NAPB: variants seen among roughly 807,000 people sequenced by gnomAD.
NAPB encodes NSF attachment protein beta, also known as beta-soluble NSF attachment protein.
A neutral mutation model predicts 44.7 loss-of-function variants in NAPB; 26 were observed. That is an observed-to-expected ratio of 0.58 (90% CI 0.43 to 0.81). The LOEUF (loss-of-function observed/expected upper bound fraction) is 0.81. Ranked by LOEUF, NAPB falls within the 30% of genes least tolerant of loss-of-function variation. The pLI is 0.00. For synonymous variants in NAPB, 120 were observed against 116.8 expected, an observed-to-expected ratio of 1.03 and a Z score of -0.18; for missense variants, 315 against 356.4, an observed-to-expected ratio of 0.88 and a Z score of 0.94.
rs1600551498 is a variant in NAPB at position 23,375,980 on chromosome 20, A to G, written c.*1396T>C. On this transcript the variant is annotated 3_prime_UTR_variant, in exon 11 of 11. Transcript: ENST00000377026. The stretch of plus-strand genomic sequence containing the variant: ...CCTGCAGTCGACCCTTGGCCTGGAA[A>G]CACTACCAATTCCAGTTGAGAGCCA... 1 of 152,186 alleles carries G rather than the reference A, an allele frequency of 6.6e-6. No individual in the cohort carries two copies. Among genetic ancestry groups the G allele is most frequent in the South Asian group, 2.1e-4 (1 of 4,828 alleles). The allele number at this position is 152,186 out of a possible 1,614,324, so 9.4% of individuals were successfully genotyped here. A position where few individuals can be genotyped will look rare whatever the true frequency, so the allele number is the denominator to read the frequency against.
At chr20:23,395,576 T>C (rs1984298258) in intron 3 of NAPB, among the ~76,000 whole-genome samples, 2 of 152,330 alleles carry the variant, frequency 1.3e-5, no homozygotes, top group South Asian at 2.1e-4. Context: ...TGCATATATA[T>C]TAATTTTGGA....
chr20:23,396,697 G>A (rs1044282247), intron 3 of NAPB: 1 of 152,882 alleles, frequency 6.5e-6, no homozygotes, highest in South Asian at 2.1e-4. Context: ...TAGGTATTTA[G>A]GAGTAAGGGA....
At chr20:23,415,760 A>C (rs929262050) in intron 1 of NAPB, among the ~76,000 whole-genome samples, 3 of 151,900 alleles carry the variant, frequency 2.0e-5, no homozygotes, top group Admixed American at 2.0e-4. Context: ...TGAGTCCCGG[A>C]GTTGGAGACA....
At position 23,409,687 on chromosome 20, in the gene NAPB, T is replaced by C. The variant is rs1985516725; in HGVS notation, c.99-6615A>G. Reference sequence around the variant, plus strand: ...GAGACATGTGATTCCCAAAAAATCATGGTGGCTGCTTAGATAAATATATCC... The same window carrying C: ...GAGACATGTGATTCCCAAAAAATCACGGTGGCTGCTTAGATAAATATATCC... On this transcript the variant is annotated intron_variant, in intron 1 of 10. Transcript: ENST00000377026. 2.6e-5 allele frequency among the ~76,000 whole-genome samples: 4 copies of C among 152,344 alleles called. No individual in the cohort carries two copies. The South Asian group carries it at 8.3e-4, about 32-fold the overall frequency.
intron 1 of NAPB, among the ~76,000 whole-genome samples, chr20:23,408,568 T>C (rs959716051): frequency 6.6e-6 from 1 of 152,274 alleles, no homozygotes; most frequent in African/African-American, 2.4e-5. Flanking sequence ...GCTTCACTTC[T>C]GGAAACTCCA....
At position 23,403,050 on chromosome 20, in the gene NAPB, C is replaced by A; in HGVS notation, c.121G>T (p.Ala41Ser). 1 of 1,613,732 alleles carries A rather than the reference C, an allele frequency of 6.2e-7. No individual in the cohort carries two copies. Among genetic ancestry groups the A allele is most frequent in the Non-Finnish European group, 8.5e-7 (1 of 1,179,818 alleles). The change falls in exon 2 of 11, where the codon GCT (alanine) becomes TCT (serine). Residue 41 changes from alanine (A) to serine (S), a missense_variant. Physicochemically the swap from Ala to Ser is moderately conservative, Grantham distance 99. This residue lies in a region of NAPB where 179 missense variants were observed against 182.5 expected (regional missense o/e 0.98). Transcript: ENST00000377026. ...LFGGNTRIEE[A>S]CEMYTRAANM... ...GCAGCTCTGGTATACATTTCACAAG[C>A]CTCTTCTATTCTTGTGTTTCCTCTG...
In NAPB at chr20:23,375,443, A is replaced by C. The variant is rs1280847137; in HGVS notation, c.*1933T>G. On this transcript the variant is annotated 3_prime_UTR_variant, in exon 11 of 11. Coordinates refer to ENST00000377026, the MANE Select transcript of NAPB (RefSeq NM_022080.3). ...AAACTACTTAAAACCAGAGGACTCA[A>C]GCTGCAGAACCACTCCTCACACCCC... is the stretch of plus-strand genomic sequence containing the variant. 1 of 152,242 alleles carries C rather than the reference A, an allele frequency of 6.6e-6. No individual in the cohort carries two copies. The highest frequency in any genetic ancestry group is 2.4e-5 in the African/African-American group (1 of 41,458). 9.4% of individuals were successfully genotyped at this position (152,242 alleles called of 1,614,324 possible). A position where few individuals can be genotyped will look rare whatever the true frequency, so the allele number is the denominator to read the frequency against.
chr20:23,391,996 G>A (rs754902252), intron 5 of NAPB, among the ~76,000 whole-genome samples: 18 of 152,212 alleles, frequency 1.2e-4, no homozygotes, highest in Non-Finnish European at 2.1e-4. Context: ...GATTTGCAGG[G>A]ACAAGAAAAC....
chr20:23,398,542 C>A (rs1279037666), intron 2 of NAPB, among the ~76,000 whole-genome samples: 2 of 151,898 alleles, frequency 1.3e-5, no homozygotes, highest in African/African-American at 2.4e-5. Flanking sequence ...ATTTTTAATT[C>A]TTTAAAAAAT....
At chr20:23,403,964 G>C (rs959577331) in intron 1 of NAPB, among the ~76,000 whole-genome samples, 1 of 152,096 alleles carries the variant, frequency 6.6e-6, no homozygotes, top group African/African-American at 2.4e-5. Context: ...AATGCATTTT[G>C]CAACACCCTG....
intron 7 of NAPB, among the ~76,000 whole-genome samples, chr20:23,386,072 T>C (rs933735067): frequency 1.3e-5 from 2 of 152,000 alleles, no homozygotes; most frequent in African/African-American, 4.8e-5. Context: ...TACTAAATAA[T>C]CCATGGGTCA....
chr20:23,385,793 G>A (rs560183353), intron 7 of NAPB, among the ~76,000 whole-genome samples: 1 of 151,934 alleles, frequency 6.6e-6, no homozygotes, highest in South Asian at 2.1e-4. Context: ...GAAAGAGAAA[G>A]AAAGAAAGAT....
rs760666953 is a variant in NAPB, at chr20:23,379,437, T to C, written c.786+8A>G. 5 of 1,593,406 alleles carry C rather than the reference T, an allele frequency of 3.1e-6. No individual in the cohort carries two copies. The East Asian group carries it at 9.0e-5, about 29-fold the overall frequency. On this transcript the variant is annotated splice_region_variant and intron_variant, in intron 10 of 10. Coordinates refer to ENST00000377026, the MANE Select transcript of NAPB (RefSeq NM_022080.3). ...AATAATGTACCATGTCCCAAAAGCA[T>C]AACTTACTGCTTCAGTGTAAGCTTC...
rs747387903 is a variant in NAPB, at chr20:23,377,336, T to C, written c.*40A>G. The stretch of plus-strand genomic sequence containing the variant: ...AGATCACTTGACCCTAAGACAAAAC[T>C]AAAGAGGAGTTAGCTGCATGCCACA... On this transcript the variant is annotated 3_prime_UTR_variant, in exon 11 of 11. Transcript: ENST00000377026. 8 of 1,375,034 alleles carry C rather than the reference T, an allele frequency of 5.8e-6. No individual in the cohort carries two copies. In the Admixed American group the frequency reaches 1.5e-4, roughly 26 times the overall value. The allele number at this position is 1,375,034 out of a possible 1,614,324, so 85.2% of individuals were successfully genotyped here.
intron 1 of NAPB, among the ~76,000 whole-genome samples, chr20:23,409,686 A>G (rs762285537): frequency 6.6e-6 from 1 of 152,230 alleles, no homozygotes; most frequent in Non-Finnish European, 1.5e-5. Flanking sequence ...CCAAAAAATC[A>G]TGGTGGCTGC....
At chr20:23,398,552 T>A (rs1018287011) in intron 2 of NAPB, among the ~76,000 whole-genome samples, 1 of 152,020 alleles carries the variant, frequency 6.6e-6, no homozygotes, top group Non-Finnish European at 1.5e-5. Context: ...CTTTAAAAAA[T>A]TTTTTTGGCT....
chr20:23,378,834 T>G (rs889125846), intron 10 of NAPB: 1 of 133,842 alleles, frequency 7.5e-6, no homozygotes, highest in Non-Finnish European at 1.7e-5. Flanking sequence ...TTCTTTTTTT[T>G]TTTGAGACAG....
chr20:23,394,689 T>C (rs921994687), intron 5 of NAPB, among the ~76,000 whole-genome samples: 1 of 151,930 alleles, frequency 6.6e-6, no homozygotes, highest in Admixed American at 6.6e-5. Flanking sequence ...TCAGAGAGAG[T>C]GGAAACAACA....
At chr20:23,417,657 A>G (rs1986101193) in intron 1 of NAPB, among the ~76,000 whole-genome samples, 2 of 152,180 alleles carry the variant, frequency 1.3e-5, no homozygotes, top group Non-Finnish European at 1.5e-5. Flanking sequence ...TACTAAACGT[A>G]CTATACTACA....
Sources: allele counts gnomAD v4.1 joint callset (sites outside exome capture counted in the v4.1 genomes callset), GRCh38; gene constraint gnomAD v4.1.1; regional missense constraint gnomAD v4.1.1; transcripts MANE v1.5; gene names NCBI Gene and HGNC (gene_info 2026-07-23, HGNC 2026-07-21).